Variants in PLCG2 observed in about 807,000 individuals in gnomAD.
PLCG2 encodes 1-phosphatidylinositol 4,5-bisphosphate phosphodiesterase gamma-2.
A neutral mutation model predicts 175.6 loss-of-function variants in PLCG2; 69 were observed. The observed-to-expected ratio is 0.39, with a 90% CI of 0.32 to 0.48. The LOEUF is 0.48. Among genes scored for constraint, PLCG2 ranks in the 20% least tolerant of loss-of-function variants. The pLI is 0.91. For missense variants in PLCG2, 1,798 were observed against 1,650.9 expected (o/e 1.09, Z -1.54); for synonymous variants, 827 against 624.0 (o/e 1.33, Z -4.85).
At position 81,874,231 on chromosome 16, in the gene PLCG2, T is replaced by C. The variant is rs147434904; in HGVS notation, c.648+3296T>C. On this transcript the variant is annotated intron_variant, in intron 7 of 32. Coordinates refer to ENST00000564138, the MANE Select transcript of PLCG2 (RefSeq NM_002661.5). Reference sequence around the variant, plus strand: ...AAAAAAATCGAGATCTGGCTATAAATAGGGTCACATCTCGCCATGGAACGG... The same window carrying C: ...AAAAAAATCGAGATCTGGCTATAAACAGGGTCACATCTCGCCATGGAACGG... Among the ~76,000 whole-genome samples the C allele has an allele frequency of 1.6e-3, 243 of 152,320 alleles. 4 individuals are homozygous for C. The East Asian group carries it at 0.018, about 11-fold the overall frequency.
At chr16:81,895,132 G>T (rs1285398082) in intron 12 of PLCG2, among the ~76,000 whole-genome samples, 1 of 152,198 alleles carries the variant, frequency 6.6e-6, no homozygotes, top group Non-Finnish European at 1.5e-5. Flanking sequence ...ACCCATTTCT[G>T]TTTGAAAATA....
intron 1 of PLCG2, among the ~76,000 whole-genome samples, chr16:81,785,017 C>T (rs8047206): frequency 6.6e-6 from 1 of 151,896 alleles, no homozygotes; most frequent in Non-Finnish European, 1.5e-5. Context: ...CCTTCTGGCT[C>T]TGCATCTGAG....
chr16:81,945,452 T>G (rs1162096773), intron 30 of PLCG2, among the ~76,000 whole-genome samples: 2 of 152,252 alleles, frequency 1.3e-5, no homozygotes, highest in Non-Finnish European at 2.9e-5. Context: ...TAACCATGGT[T>G]CCTTTTAGGA....
intron 8 of PLCG2, 45 bp from the exon 9 acceptor site, chr16:81,883,224 T>C (rs751732146): frequency 6.4e-7 from 1 of 1,563,362 alleles, no homozygotes; most frequent in Non-Finnish European, 8.8e-7. Context: ...GACTCCTCTG[T>C]TGAATGTGTC....
chr16:81,809,330 A>G (rs1373857315), intron 2 of PLCG2, among the ~76,000 whole-genome samples: 1 of 152,072 alleles, frequency 6.6e-6, no homozygotes, highest in Non-Finnish European at 1.5e-5. Context: ...TGGGTGGGGA[A>G]TCGGCAGATC....
chr16:81,758,730 T>G (rs1208992873), intron 2 of PLCG2, among the ~76,000 whole-genome samples: 1 of 151,140 alleles, frequency 6.6e-6, no homozygotes, highest in Non-Finnish European at 1.5e-5. Flanking sequence ...CAGGCTAGAG[T>G]GCAGTGGCAC....
At chr16:81,920,317 TC>T (rs1235064972) in intron 20 of PLCG2, among the ~76,000 whole-genome samples, 6 of 152,182 alleles carry the variant, frequency 3.9e-5, no homozygotes, top group African/African-American at 1.4e-4. Flanking sequence ...ATTTATGGCA[TC>T]CCGATCATGT....
At chr16:81,832,711 A>G (rs1905310967) in intron 2 of PLCG2, among the ~76,000 whole-genome samples, 1 of 152,198 alleles carries the variant, frequency 6.6e-6, no homozygotes, top group Admixed American at 6.5e-5. Flanking sequence ...GGCAGAATCT[A>G]CCATTTTAAT....
intron 7 of PLCG2, among the ~76,000 whole-genome samples, chr16:81,876,707 C>T (rs1029946430): frequency 6.6e-6 from 1 of 152,196 alleles, no homozygotes; most frequent in Admixed American, 6.5e-5. Context: ...ACCTCACTGG[C>T]CCTTTGCTGG....
At chr16:81,839,823 G>C (rs1399010063) in intron 2 of PLCG2, among the ~76,000 whole-genome samples, 1 of 152,184 alleles carries the variant, frequency 6.6e-6, no homozygotes, top group Non-Finnish European at 1.5e-5. Context: ...AACCAAAATG[G>C]GAGGATCACT....
chr16:81,907,092 G>T (rs1195424747), intron 15 of PLCG2, among the ~76,000 whole-genome samples: 1 of 148,674 alleles, frequency 6.7e-6, no homozygotes. Context: ...GTATACATAT[G>T]TAAGAAACCT....
intron 2 of PLCG2, among the ~76,000 whole-genome samples, chr16:81,844,913 A>G (rs1326728630): frequency 1.3e-5 from 2 of 152,078 alleles, no homozygotes; most frequent in East Asian, 1.9e-4. Context: ...GTTCACAGCA[A>G]ATAAATTGAG....
At chr16:81,769,239 C>G (rs1458351526) in intron 2 of PLCG2, among the ~76,000 whole-genome samples, 1 of 152,220 alleles carries the variant, frequency 6.6e-6, no homozygotes, top group African/African-American at 2.4e-5. Context: ...ACCATTACGT[C>G]TAATATCTTC....
chr16:81,881,016 C>T (rs1280416653), intron 8 of PLCG2, 63 bp downstream of exon 8: 2 of 1,534,310 alleles, frequency 1.3e-6, no homozygotes, highest in Non-Finnish European at 1.8e-6. Flanking sequence ...TGGTGCCCAG[C>T]CGGCCTCCAG....
At chr16:81,758,675 C>G (rs561342154) in intron 2 of PLCG2, among the ~76,000 whole-genome samples, 12 of 130,652 alleles carry the variant, frequency 9.2e-5, no homozygotes, top group African/African-American at 3.1e-4. Flanking sequence ...TTGTCCATCT[C>G]TCTTTTTTTT....
chr16:81,935,664 T>G (rs753731942), intron 26 of PLCG2: 357 of 985,236 alleles, frequency 3.6e-4, no homozygotes, highest in Non-Finnish European at 4.0e-4. Context: ...CCACCACAGC[T>G]GGATGGGAGA....
intron 2 of PLCG2, among the ~76,000 whole-genome samples, chr16:81,806,730 C>G (rs957553745): frequency 6.6e-6 from 1 of 151,998 alleles, no homozygotes; most frequent in Non-Finnish European, 1.5e-5. Context: ...CATGGAAGGC[C>G]TCACTGAGAA....
At chr16:81,879,495 C>G (rs964197948) in intron 7 of PLCG2, among the ~76,000 whole-genome samples, 1 of 152,198 alleles carries the variant, frequency 6.6e-6, no homozygotes, top group South Asian at 2.1e-4. Flanking sequence ...CACACCCACA[C>G]AAACTGATGT....
In PLCG2 at chr16:81,960,442, AT is replaced by A; in HGVS notation, c.*2448del. 1 of 227,762 alleles carries A rather than the reference AT, an allele frequency of 4.4e-6. No individual in the cohort carries two copies. Among genetic ancestry groups the A allele is most frequent in the African/African-American group, 2.2e-5 (1 of 45,122 alleles). 14.1% of individuals were successfully genotyped at this position (227,762 alleles called of 1,614,324 possible). On this transcript the variant is annotated 3_prime_UTR_variant, in exon 33 of 33. Coordinates refer to ENST00000564138, the MANE Select transcript of PLCG2 (RefSeq NM_002661.5). ...ATGTATTACACTGTTTTTGTTCACC[AT>A]TTTCCTAAGTGTGTTATTTAGAATA...
Sources: gnomAD v4.1 joint callset for allele counts (sites outside exome capture counted in the v4.1 genomes callset) on GRCh38, gnomAD v4.1.1 for gene constraint, MANE v1.5 for transcripts, NCBI Gene and HGNC (gene_info 2026-07-23, HGNC 2026-07-21) for gene names.